SNX29: variants seen among roughly 807,000 people sequenced by gnomAD.
SNX29 encodes the protein sorting nexin-29.
Under a neutral mutation model 102.1 loss-of-function variants are expected in SNX29, and 78 were observed. The observed-to-expected ratio is 0.76, with a 90% CI of 0.64 to 0.92. The LOEUF is 0.92. Ranked by LOEUF, SNX29 falls within the 40% of genes least tolerant of loss-of-function variation. The pLI is 0.00. For missense variants in SNX29, 1,280 were observed against 1,061.7 expected (o/e 1.21, Z -2.86); for synonymous variants, 580 against 414.5 (o/e 1.40, Z -4.85).
intron 16 of SNX29, among the ~76,000 whole-genome samples, chr16:12,366,772 T>C (rs1056126467): frequency 2.0e-5 from 3 of 152,148 alleles, no homozygotes; most frequent in African/African-American, 7.2e-5. Context: ...TTGTTTTTCT[T>C]TTGTGTCTTT....
chr16:12,274,734 A>G (rs373503567), intron 14 of SNX29, among the ~76,000 whole-genome samples: 10 of 152,018 alleles, frequency 6.6e-5, no homozygotes, highest in African/African-American at 2.4e-4. Flanking sequence ...GTGGGGCTTC[A>G]CCATGTTGCC....
intron 20 of SNX29, chr16:12,527,398 C>T (rs1379943413): frequency 1.1e-5 from 5 of 474,946 alleles, no homozygotes; most frequent in African/African-American, 7.8e-5. Flanking sequence ...AGGAAATAAA[C>T]CCCCAAAGCA....
At chr16:11,987,703 T>C (rs2055686412) in intron 1 of SNX29, among the ~76,000 whole-genome samples, 1 of 152,150 alleles carries the variant, frequency 6.6e-6, no homozygotes, top group South Asian at 2.1e-4. Flanking sequence ...TTCTGACTCT[T>C]ACTCTTAATT....
intron 18 of SNX29, among the ~76,000 whole-genome samples, chr16:12,409,010 C>A (rs914708879): frequency 3.9e-5 from 6 of 152,158 alleles, no homozygotes; most frequent in African/African-American, 1.4e-4. Flanking sequence ...GTTCCTGTGT[C>A]CTGAGAGGGA....
chr16:12,145,098 A>G (rs748145834), intron 13 of SNX29, among the ~76,000 whole-genome samples: 2 of 152,112 alleles, frequency 1.3e-5, no homozygotes, highest in Non-Finnish European at 2.9e-5. Context: ...TGCTCACCCA[A>G]TGTAAAGCTG....
At chr16:12,507,093 T>C (rs906025397) in intron 19 of SNX29, among the ~76,000 whole-genome samples, 4 of 152,216 alleles carry the variant, frequency 2.6e-5, no homozygotes, top group Non-Finnish European at 5.9e-5. Flanking sequence ...AGTGCTCACT[T>C]TGTGTTGGGC....
At chr16:12,290,684 T>C (rs1392974370) in intron 15 of SNX29, among the ~76,000 whole-genome samples, 1 of 152,236 alleles carries the variant, frequency 6.6e-6, no homozygotes, top group Non-Finnish European at 1.5e-5. Flanking sequence ...TGTAGACACA[T>C]AGGACAGATG....
intron 15 of SNX29, among the ~76,000 whole-genome samples, chr16:12,315,420 C>T (rs1418817126): frequency 6.6e-6 from 1 of 152,202 alleles, no homozygotes; most frequent in Non-Finnish European, 1.5e-5. Flanking sequence ...GCTATGTAAA[C>T]AGAACACAGC....
chr16:12,393,987 G>T (rs538514049), intron 16 of SNX29, among the ~76,000 whole-genome samples: 9 of 152,226 alleles, frequency 5.9e-5, no homozygotes, highest in Non-Finnish European at 7.3e-5. Flanking sequence ...GTGCATTTCT[G>T]TCTGTTCCTG....
At chr16:12,319,926 G>A (rs1000942435) in intron 15 of SNX29, among the ~76,000 whole-genome samples, 1 of 152,278 alleles carries the variant, frequency 6.6e-6, no homozygotes, top group East Asian at 1.9e-4. Flanking sequence ...GGTTTCTTCA[G>A]CCTCCCACAT....
chr16:12,182,705 G>A (rs2076416014), intron 13 of SNX29, among the ~76,000 whole-genome samples: 1 of 152,040 alleles, frequency 6.6e-6, no homozygotes. Flanking sequence ...TGAGGCGGGT[G>A]GATCACTTGA....
chr16:12,080,810 G>T (rs1029312078), intron 11 of SNX29, among the ~76,000 whole-genome samples: 3 of 151,672 alleles, frequency 2.0e-5, no homozygotes, highest in African/African-American at 7.3e-5. Flanking sequence ...TCCTGCGTCA[G>T]CCTCCCAAGT....
intron 11 of SNX29, among the ~76,000 whole-genome samples, chr16:12,091,560 G>C (rs1330161117): frequency 6.6e-6 from 1 of 151,964 alleles, no homozygotes; most frequent in Non-Finnish European, 1.5e-5. Context: ...GCTGAGGCAG[G>C]AGGATTGCTT....
chr16:12,561,606 C>T (rs1302838730), intron 20 of SNX29, among the ~76,000 whole-genome samples: 1 of 152,086 alleles, frequency 6.6e-6, no homozygotes, highest in Non-Finnish European at 1.5e-5. Context: ...TGACAGGACA[C>T]AACGCAGTGT....
Position 12,415,784 on chromosome 16 carries a change from A to C in SNX29, c.2037+12255A>C, listed in dbSNP as rs938880560. ...CACCTGCCCTGAACTGCCACACCAC[A>C]CACTCCCTGTGCTCCCCAACCCAGG... is the stretch of plus-strand genomic sequence containing the variant. On this transcript the variant is annotated intron_variant, in intron 18 of 20. Transcript: ENST00000566228. Among the ~76,000 whole-genome samples the C allele has an allele frequency of 1.1e-4, 17 of 152,040 alleles. 1 individual carries two copies. Among genetic ancestry groups the C allele is most frequent in the African/African-American group, 3.9e-4 (16 of 41,394 alleles).
chr16:12,077,386 G>GGTGT (rs60621681), intron 10 of SNX29, among the ~76,000 whole-genome samples: 9,312 of 142,770 alleles, frequency 0.065, 495 homozygotes, highest in African/African-American at 0.15. Flanking sequence ...TCCTAGTCAT[G>GGTGT]GTGTGTGTGT....
chr16:12,046,258 C>G lies in SNX29; in HGVS notation c.429-126C>G, dbSNP rs138262413. 4,658 of 887,182 alleles carry G rather than the reference C, an allele frequency of 5.3e-3. 15 individuals carry two copies. Among genetic ancestry groups the G allele is most frequent in the Non-Finnish European group, 6.2e-3 (3,407 of 553,750 alleles). 55.0% of individuals were successfully genotyped at this position (887,182 alleles called of 1,614,324 possible). ...GCTGTAAACCAGCAGAGACCTCAGA[C>G]AAATCATATCCCTCTTGGGGTGACC... On this transcript the variant is annotated intron_variant, in intron 5 of 20. Coordinates refer to ENST00000566228, the MANE Select transcript of SNX29 (RefSeq NM_032167.5).
At chr16:12,116,063 C>T (rs1489188569) in intron 11 of SNX29, among the ~76,000 whole-genome samples, 1 of 152,162 alleles carries the variant, frequency 6.6e-6, no homozygotes, top group Non-Finnish European at 1.5e-5. Flanking sequence ...AAGATATCTG[C>T]CATACTAATT....
chr16:12,074,275 T>C (rs1288172456), intron 10 of SNX29, among the ~76,000 whole-genome samples: 1 of 152,230 alleles, frequency 6.6e-6, no homozygotes, highest in Admixed American at 6.5e-5. Flanking sequence ...CGATGGTCTT[T>C]ACATTTTGGC....
Sources: gnomAD v4.1 joint callset for allele counts (sites outside exome capture counted in the v4.1 genomes callset) on GRCh38, gnomAD v4.1.1 for gene constraint, MANE v1.5 for transcripts, NCBI Gene and HGNC (gene_info 2026-07-23, HGNC 2026-07-21) for gene names.